The following HEPACAM variants were observed in gnomAD, a reference collection of about 807,000 sequenced individuals.
HEPACAM encodes hepatic and glial cell adhesion molecule.
A neutral mutation model predicts 38.3 loss-of-function variants in HEPACAM; 18 were observed. The observed-to-expected ratio is 0.47, with a 90% CI of 0.33 to 0.70. The LOEUF (loss-of-function observed/expected upper bound fraction) is 0.70, where lower values mean the gene tolerates loss of function less well. Ranked by LOEUF, HEPACAM falls within the 30% of genes least tolerant of loss-of-function variation. The pLI, the probability that HEPACAM is intolerant of heterozygous loss-of-function variation, is 0.03. For missense variants in HEPACAM, 466 were observed against 563.0 expected, an observed-to-expected ratio of 0.83 and a Z score of 1.74; for synonymous variants, 216 against 243.1, an observed-to-expected ratio of 0.89 and a Z score of 1.04.
At chr11:124,931,433 C>T (rs1315691686) in intron 1 of HEPACAM, among the ~76,000 whole-genome samples, 2 of 152,220 alleles carry the variant, frequency 1.3e-5, no homozygotes, top group African/African-American at 4.8e-5. Flanking sequence ...TCTTGAACTC[C>T]TGGCCTCAAG....
intron 1 of HEPACAM, among the ~76,000 whole-genome samples, chr11:124,928,438 C>A (rs1308023405): frequency 6.6e-6 from 1 of 152,132 alleles, no homozygotes; most frequent in Non-Finnish European, 1.5e-5. Flanking sequence ...AACATCTACC[C>A]CCTTTCTCGG....
Position 124,921,192 on chromosome 11 carries a change from G to T in HEPACAM, c.1197C>A (p.Gly399=), listed in dbSNP as rs768046807. 3.9e-6 allele frequency: 6 copies of T among 1,519,950 alleles called. No individual in the cohort carries two copies. Among genetic ancestry groups the T allele is most frequent in the South Asian group, 1.2e-5 (1 of 82,612 alleles). The allele number at this position is 1,519,950 out of a possible 1,614,324, so 94.2% of individuals were successfully genotyped here. A position where few individuals can be genotyped will look rare whatever the true frequency, so the allele number is the denominator to read the frequency against. ...RSASRTLRTA[G]VHIIREQDEA... is the part of the protein sequence containing the mutation. Reference sequence around the variant, plus strand: ...CGTCTTGCTCGCGGATTATGTGCACGCCCGCAGTCCGCAGTGTGCGCGAGG... The same window carrying T: ...CGTCTTGCTCGCGGATTATGTGCACTCCCGCAGTCCGCAGTGTGCGCGAGG... The change falls in exon 7 of 7, where the codon GGC becomes GGA. Residue 399 remains glycine, a synonymous_variant. Transcript: ENST00000298251. The surrounding 1 kb of genome is among the most constrained non-coding windows in gnomAD (Gnocchi z 4.6).
intron 1 of HEPACAM, among the ~76,000 whole-genome samples, chr11:124,928,901 G>A (rs1171234923): frequency 6.6e-6 from 1 of 152,228 alleles, no homozygotes; most frequent in Non-Finnish European, 1.5e-5. Context: ...CTGAGGCTGT[G>A]TCACAGGTGT....
At chr11:124,932,385 G>A (rs575227747) in intron 1 of HEPACAM, among the ~76,000 whole-genome samples, 2 of 152,106 alleles carry the variant, frequency 1.3e-5, no homozygotes, top group South Asian at 4.2e-4. Flanking sequence ...CTACATTTAC[G>A]GCATGCTGTG....
intron 1 of HEPACAM, among the ~76,000 whole-genome samples, chr11:124,930,789 G>A (rs1391308450): frequency 5.9e-5 from 9 of 152,154 alleles, no homozygotes; most frequent in Admixed American, 2.6e-4. Flanking sequence ...ATAGTGCTGG[G>A]CCATGTAGGA....
chr11:124,929,276 A>G (rs1947255185), intron 1 of HEPACAM, among the ~76,000 whole-genome samples: 1 of 152,252 alleles, frequency 6.6e-6, no homozygotes, highest in Non-Finnish European at 1.5e-5. Flanking sequence ...ACCCTCCTCT[A>G]GATAAGTCCC....
rs114590238 is a variant in HEPACAM at position 124,931,575 on chromosome 11, T to C, written c.85+4347A>G. ...AAAGGAAAAAAAGAAAATACAATTA[T>C]TGGGAAGATATGGATCATCTGAAAC... is the stretch of plus-strand genomic sequence containing the variant. On this transcript the variant is annotated intron_variant, in intron 1 of 6. Transcript: ENST00000298251. Among the ~76,000 whole-genome samples the C allele has an allele frequency of 2.8e-3, 434 of 152,314 alleles. 1 individual carries two copies. The highest frequency in any genetic ancestry group is 9.8e-3 in the African/African-American group (408 of 41,574).
At position 124,924,689 on chromosome 11, in the gene HEPACAM, C is replaced by T. The variant is rs112797967; in HGVS notation, c.427+39G>A. Reference sequence around the variant, plus strand: ...CTGGGCAGACCTTTCCCTAGTCCCACCTGCCAGTCTTGCCTCTTTCCCTGC... The same window carrying T: ...CTGGGCAGACCTTTCCCTAGTCCCATCTGCCAGTCTTGCCTCTTTCCCTGC... On this transcript the variant is annotated intron_variant, in intron 2 of 6. Transcript: ENST00000298251. The surrounding 1 kb of genome is among the most constrained non-coding windows in gnomAD (Gnocchi z 4.4). 40,966 of 1,568,498 alleles carry T rather than the reference C, an allele frequency of 0.026. 646 individuals carry two copies. The highest frequency in any genetic ancestry group is 0.03 in the Non-Finnish European group (34,466 of 1,138,662).
intron 6 of HEPACAM, among the ~76,000 whole-genome samples, chr11:124,922,099 A>ATTCTCGT (rs957754925): frequency 6.6e-6 from 1 of 152,180 alleles, no homozygotes; most frequent in Non-Finnish European, 1.5e-5. Flanking sequence ...TCGATTCTCG[A>ATTCTCGT]TTCTCGTAGG....
In HEPACAM at chr11:124,924,096, C is replaced by G; in HGVS notation, c.428-86G>C. 1 of 1,268,454 alleles carries G rather than the reference C, an allele frequency of 7.9e-7. No homozygotes were observed. Among genetic ancestry groups the G allele is most frequent in the Non-Finnish European group, 1.1e-6 (1 of 903,092 alleles). The allele number at this position is 1,268,454 out of a possible 1,614,324, so 78.6% of individuals were successfully genotyped here. A position where few individuals can be genotyped will look rare whatever the true frequency, so the allele number is the denominator to read the frequency against. On this transcript the variant is annotated intron_variant, in intron 2 of 6. Coordinates refer to ENST00000298251, the MANE Select transcript of HEPACAM (RefSeq NM_152722.5). The surrounding 1 kb of genome is among the most constrained non-coding windows in gnomAD (Gnocchi z 4.4). ...TTTTAGCTCCCTGCCTTCCAACACA[C>G]CTTTAACACTACCTTCCAACTCAAT...
rs757996260 is a variant in HEPACAM, at chr11:124,924,024, AT to A, written c.428-15del. On this transcript the variant is annotated splice_polypyrimidine_tract_variant and intron_variant, in intron 2 of 6. Coordinates refer to ENST00000298251, the MANE Select transcript of HEPACAM (RefSeq NM_152722.5). This position sits in a 1 kb window ranked among gnomAD's most constrained non-coding sequence, Gnocchi z 4.4. ...TCGAAATGGGCACTGAGCCGCAGGA[AT>A]GGGGGAGCCTGTAAGTCATTGGCTA... The A allele has an allele frequency of 3.1e-6, 5 of 1,602,090 alleles. No individual in the cohort carries two copies. The East Asian group carries it at 1.1e-4, about 36-fold the overall frequency.
In HEPACAM at chr11:124,934,901, G is replaced by A. The variant is rs1301583581; in HGVS notation, c.85+1021C>T. Among the ~76,000 whole-genome samples the A allele has an allele frequency of 3.3e-5, 5 of 152,030 alleles. No individual in the cohort carries two copies. In the South Asian group the frequency reaches 8.3e-4, roughly 25 times the overall value. On this transcript the variant is annotated intron_variant, in intron 1 of 6. Transcript: ENST00000298251. ...CCTCACCTCTCAATCCCCAGATTAC[G>A]AGTCTGGTTTACAAAGCTCTTGCCT...
chr11:124,921,501 G>A lies in HEPACAM; in HGVS notation c.949-61C>T, dbSNP rs965806558. On this transcript the variant is annotated intron_variant, in intron 6 of 6. Coordinates refer to ENST00000298251, the MANE Select transcript of HEPACAM (RefSeq NM_152722.5). The surrounding 1 kb of genome is among the most constrained non-coding windows in gnomAD (Gnocchi z 4.6). ...TCAGCCCAGCCTGGGAGCGCGCCTG[G>A]TGTTAGAGCTTGCTGGAATTCCGAG... 1.9e-5 allele frequency: 21 copies of A among 1,085,512 alleles called. No individual in the cohort carries two copies. The highest frequency in any genetic ancestry group is 2.3e-5 in the Non-Finnish European group (20 of 852,012). The allele number at this position is 1,085,512 out of a possible 1,614,324, so 67.2% of individuals were successfully genotyped here.
At position 124,919,940 on chromosome 11, in the gene HEPACAM, G is replaced by C; in HGVS notation, c.*1198C>G. ...CACAGTAGATTACTGCCACTCCTAT[G>C]AACTGTTCAATAGGCGGTGGCATGG... On this transcript the variant is annotated 3_prime_UTR_variant, in exon 7 of 7. Coordinates refer to ENST00000298251, the MANE Select transcript of HEPACAM (RefSeq NM_152722.5). 6.2e-7 allele frequency: 1 copy of C among 1,613,950 alleles called. No homozygotes were observed. Among genetic ancestry groups the C allele is most frequent in the Non-Finnish European group, 8.5e-7 (1 of 1,179,964 alleles).
chr11:124,924,983 T>G lies in HEPACAM; in HGVS notation c.172A>C (p.Ser58Arg). The change falls in exon 2 of 7, where the codon AGC (serine) becomes CGC (arginine). Residue 58 changes from serine to arginine, a missense_variant. Coordinates refer to ENST00000298251, the MANE Select transcript of HEPACAM (RefSeq NM_152722.5). The surrounding 1 kb of genome is among the most constrained non-coding windows in gnomAD (Gnocchi z 4.4). The part of the protein sequence containing the change: ...GKSALLSVQY[S>R]STSSDRPVVK... ...ACAGGCCTGTCGCTGCTGGTACTGC[T>G]GTACTGCACAGAAAGCAGAGCCGAC... The G allele has an allele frequency of 6.2e-7, 1 of 1,611,812 alleles. No individual in the cohort carries two copies. The highest frequency in any genetic ancestry group is 8.5e-7 in the Non-Finnish European group (1 of 1,178,064).
rs1174942567 is a variant in HEPACAM at position 124,921,322 on chromosome 11, C to T, written c.1067G>A (p.Arg356His). ...GGAGCGCGGGTAGCGGCGGGCAGAG[C>T]GGATGGGCAGCCCCGGCGAGCGGCC... The part of the protein sequence containing the change: ...VPGRSPGLPI[R>H]SARRYPRSPA... Residue 356 changes from arginine (R) to histidine (H), a missense_variant, in exon 7 of 7, where the codon CGC (arginine) becomes CAC (histidine). Physicochemically the swap from Arg to His is conservative, Grantham distance 29. Transcript: ENST00000298251. The surrounding 1 kb of genome is among the most constrained non-coding windows in gnomAD (Gnocchi z 4.6). 1 of 1,283,624 alleles carries T rather than the reference C, an allele frequency of 7.8e-7. No individual in the cohort carries two copies. Among genetic ancestry groups the T allele is most frequent in the South Asian group, 2.7e-5 (1 of 36,766 alleles). The allele number at this position is 1,283,624 out of a possible 1,614,324, so 79.5% of individuals were successfully genotyped here. A position where few individuals can be genotyped will look rare whatever the true frequency, so the allele number is the denominator to read the frequency against.
chr11:124,922,027 G>A (rs1236097987), intron 6 of HEPACAM, among the ~76,000 whole-genome samples: 2 of 152,232 alleles, frequency 1.3e-5, no homozygotes, highest in Non-Finnish European at 2.9e-5. Context: ...TGTATTTACA[G>A]ACATGCCCCA....
In HEPACAM at chr11:124,924,096, C is replaced by T. The variant is rs942898869; in HGVS notation, c.428-86G>A. On this transcript the variant is annotated intron_variant, in intron 2 of 6. Coordinates refer to ENST00000298251, the MANE Select transcript of HEPACAM (RefSeq NM_152722.5). The surrounding 1 kb of genome is among the most constrained non-coding windows in gnomAD (Gnocchi z 4.4). ...TTTTAGCTCCCTGCCTTCCAACACACCTTTAACACTACCTTCCAACTCAAT... is the reference window on the plus strand; with the variant it reads ...TTTTAGCTCCCTGCCTTCCAACACATCTTTAACACTACCTTCCAACTCAAT... The T allele has an allele frequency of 6.3e-6, 8 of 1,268,336 alleles. No homozygotes were observed. Among genetic ancestry groups the T allele is most frequent in the African/African-American group, 4.4e-5 (3 of 67,750 alleles). The allele number at this position is 1,268,336 out of a possible 1,614,324, so 78.6% of individuals were successfully genotyped here.
At position 124,921,489 on chromosome 11, in the gene HEPACAM, GGA is replaced by G; in HGVS notation, c.949-51_949-50del. Reference sequence around the variant, plus strand: ...GTCAGGGGACAGTCAGCCCAGCCTGGGAGCGCGCCTGGTGTTAGAGCTTGCTG... The same window carrying G: ...GTCAGGGGACAGTCAGCCCAGCCTGGGCGCGCCTGGTGTTAGAGCTTGCTG... On this transcript the variant is annotated intron_variant, in intron 6 of 6. Coordinates refer to ENST00000298251, the MANE Select transcript of HEPACAM (RefSeq NM_152722.5). The surrounding 1 kb of genome is among the most constrained non-coding windows in gnomAD (Gnocchi z 4.6). 1 of 1,165,524 alleles carries G rather than the reference GGA, an allele frequency of 8.6e-7. No homozygotes were observed. The highest frequency in any genetic ancestry group is 4.1e-5 in the South Asian group (1 of 24,572). The allele number at this position is 1,165,524 out of a possible 1,614,324, so 72.2% of individuals were successfully genotyped here.
Sources: allele counts gnomAD v4.1 joint callset (sites outside exome capture counted in the v4.1 genomes callset), GRCh38; gene constraint gnomAD v4.1.1; non-coding constraint Gnocchi (gnomAD v3.1); transcripts MANE v1.5; gene names NCBI Gene and HGNC (gene_info 2026-07-23, HGNC 2026-07-21).